SGMS1: variants seen among roughly 807,000 people sequenced by gnomAD.
The protein encoded by SGMS1 is sphingomyelin synthase 1.
Under a neutral mutation model 46.2 loss-of-function variants are expected in SGMS1, and 13 were observed. The observed-to-expected ratio is 0.28, with a 90% confidence interval of 0.18 to 0.45. The LOEUF is 0.45. Ranked by LOEUF, SGMS1 falls within the 20% of genes least tolerant of loss-of-function variation. SGMS1 has a pLI of 1.00. For missense variants in SGMS1, 324 were observed against 519.9 expected (o/e 0.62, Z 3.66); for synonymous variants, 203 against 187.8 (o/e 1.08, Z -0.66).
chr10:50,326,180 T>TA (rs1847530193), intron 8 of SGMS1, among the ~76,000 whole-genome samples: 1 of 151,718 alleles, frequency 6.6e-6, no homozygotes, highest in Non-Finnish European at 1.5e-5. Context: ...ATTAAAAAAT[T>TA]AAAAAAAGCA....
intron 3 of SGMS1, among the ~76,000 whole-genome samples, chr10:50,488,899 C>T (rs1312339593): frequency 2.0e-5 from 3 of 152,160 alleles, no homozygotes; most frequent in Non-Finnish European, 4.4e-5. Flanking sequence ...CCTCAAGCTC[C>T]GTGGCTCACT....
intron 8 of SGMS1, among the ~76,000 whole-genome samples, chr10:50,324,475 A>G (rs115369551): frequency 0.014 from 2,169 of 152,218 alleles, 48 homozygotes; most frequent in African/African-American, 0.049. Flanking sequence ...CCTAGGTATG[A>G]TTCTAAAGTA....
chr10:50,485,074 G>T (rs1837508317), intron 3 of SGMS1, among the ~76,000 whole-genome samples: 1 of 152,050 alleles, frequency 6.6e-6, no homozygotes, highest in Admixed American at 6.6e-5. Flanking sequence ...GAAATAAAGG[G>T]TATTCAAATT....
intron 2 of SGMS1, among the ~76,000 whole-genome samples, chr10:50,543,001 A>G (rs997726976): frequency 6.6e-6 from 1 of 152,102 alleles, no homozygotes; most frequent in African/African-American, 2.4e-5. Flanking sequence ...CAGTGTCTAT[A>G]TGATAGCTCT....
intron 6 of SGMS1, among the ~76,000 whole-genome samples, chr10:50,405,421 A>G (rs945600319): frequency 2.6e-5 from 4 of 152,222 alleles, no homozygotes; most frequent in Non-Finnish European, 5.9e-5. Context: ...CTCAGGTTCA[A>G]GGACAAGGCT....
At chr10:50,522,642 AG>A (rs1487516345) in intron 2 of SGMS1, among the ~76,000 whole-genome samples, 20 of 152,276 alleles carry the variant, frequency 1.3e-4, no homozygotes, top group African/African-American at 4.8e-4. Context: ...CACTTGGTTA[AG>A]ATGAGTCTAT....
intron 2 of SGMS1, among the ~76,000 whole-genome samples, chr10:50,585,717 T>C (rs1416379227): frequency 6.6e-6 from 1 of 152,250 alleles, no homozygotes; most frequent in African/African-American, 2.4e-5. Flanking sequence ...TCTTTTACTA[T>C]ACTTGATCTT....
intron 7 of SGMS1, among the ~76,000 whole-genome samples, chr10:50,328,723 G>A (rs991680262): frequency 6.6e-6 from 1 of 152,138 alleles, no homozygotes; most frequent in African/African-American, 2.4e-5. Context: ...TAGTCAAGCT[G>A]CGTATGCCTC....
chr10:50,391,801 TGTG>T (rs1848772122), intron 6 of SGMS1, among the ~76,000 whole-genome samples: 1 of 141,528 alleles, frequency 7.1e-6, no homozygotes, highest in South Asian at 2.2e-4. Context: ...ATAAGGAAAA[TGTG>T]GTGTATATAT....
In SGMS1 at chr10:50,527,116, C is replaced by T. The variant is rs149402424; in HGVS notation, c.-588-7195G>A. On this transcript the variant is annotated intron_variant, in intron 2 of 10. Transcript: ENST00000361781. ...AAAGAAAGAAAAGAAAAAGAACTGG[C>T]CATGTATTCAACCATGCAGCTCATC... 4.6e-3 allele frequency among the ~76,000 whole-genome samples: 690 copies of T among 150,744 alleles called. 4 individuals carry two copies. Among genetic ancestry groups the T allele is most frequent in the African/African-American group, 0.016 (666 of 40,894 alleles).
chr10:50,534,637 G>C (rs1330372240), intron 2 of SGMS1, among the ~76,000 whole-genome samples: 1 of 152,168 alleles, frequency 6.6e-6, no homozygotes, highest in African/African-American at 2.4e-5. Flanking sequence ...CAACAACAGG[G>C]AAGCGATTTA....
intron 3 of SGMS1, 100 bp downstream of exon 3, chr10:50,519,731 A>T (rs979744092): frequency 8.5e-5 from 13 of 152,394 alleles, no homozygotes; most frequent in African/African-American, 3.1e-4. Context: ...TTATGCCATC[A>T]GAGCCTCACA....
chr10:50,324,763 G>A (rs1373157079), intron 8 of SGMS1, among the ~76,000 whole-genome samples: 1 of 152,160 alleles, frequency 6.6e-6, no homozygotes, highest in African/African-American at 2.4e-5. Flanking sequence ...AACATAGAGC[G>A]ACACAAGTCA....
intron 6 of SGMS1, among the ~76,000 whole-genome samples, chr10:50,365,278 A>AAAG (rs1848319132): frequency 1.4e-5 from 2 of 143,788 alleles, no homozygotes; most frequent in South Asian, 4.5e-4. Flanking sequence ...AAAAAAAAAA[A>AAAG]GCAACTAATT....
intron 2 of SGMS1, among the ~76,000 whole-genome samples, chr10:50,571,835 A>G (rs1838339547): frequency 6.6e-6 from 1 of 152,182 alleles, no homozygotes; most frequent in Non-Finnish European, 1.5e-5. Context: ...GGCAAATGGC[A>G]TCCTCATTTT....
intron 6 of SGMS1, among the ~76,000 whole-genome samples, chr10:50,373,465 T>C (rs1053505099): frequency 6.6e-6 from 1 of 152,226 alleles, no homozygotes; most frequent in East Asian, 1.9e-4. Flanking sequence ...TCATATATGA[T>C]GAGAGCATTA....
chr10:50,325,952 C>T (rs980776493), intron 8 of SGMS1, among the ~76,000 whole-genome samples: 5 of 151,976 alleles, frequency 3.3e-5, no homozygotes, highest in Non-Finnish European at 7.4e-5. Context: ...TCCCTATAAC[C>T]CAGGAGCTAC....
chr10:50,531,222 C>T (rs906850952), intron 2 of SGMS1, among the ~76,000 whole-genome samples: 3 of 152,208 alleles, frequency 2.0e-5, no homozygotes, highest in South Asian at 2.1e-4. Flanking sequence ...GAAAATCTTG[C>T]TATCACCCAT....
chr10:50,400,426 T>G (rs1406143314), intron 6 of SGMS1, among the ~76,000 whole-genome samples: 1 of 36,866 alleles, frequency 2.7e-5, no homozygotes, highest in African/African-American at 9.7e-5. Flanking sequence ...TATATATATA[T>G]ATATATATAT....
Sources: allele counts gnomAD v4.1 joint callset (sites outside exome capture counted in the v4.1 genomes callset), GRCh38; gene constraint gnomAD v4.1.1; transcripts MANE v1.5; gene names NCBI Gene and HGNC (gene_info 2026-07-23, HGNC 2026-07-21).